The following COG5 variants were observed in gnomAD, a reference collection of about 807,000 sequenced individuals.
COG5 encodes the protein component of oligomeric golgi complex 5, also known as conserved oligomeric Golgi complex subunit 5.
COG5 carries 86 observed loss-of-function variants against 110.4 expected under a neutral mutation model. The ratio of observed to expected loss-of-function variants is 0.78; its 90% CI spans 0.65 to 0.93. The LOEUF is 0.93. Among genes scored for constraint, COG5 ranks in the 40% least tolerant of loss-of-function variants. COG5 has a pLI of 0.00. For missense variants in COG5, 1,077 were observed against 987.0 expected, an observed-to-expected ratio of 1.09 and a Z score of -1.22; for synonymous variants, 360 against 334.6, an observed-to-expected ratio of 1.08 and a Z score of -0.83.
chr7:107,429,657 C>T (rs2129078817), intron 6 of COG5, among the ~76,000 whole-genome samples: 1 of 152,170 alleles, frequency 6.6e-6, no homozygotes, highest in East Asian at 1.9e-4. Flanking sequence ...CTGTAGCTCC[C>T]AAAATTCCCA....
Position 107,270,749 on chromosome 7 carries a change from T to C in COG5, c.1575+10551A>G, listed in dbSNP as rs10271788. Among the ~76,000 whole-genome samples the C allele has an allele frequency of 7.2e-3, 1,090 of 152,280 alleles. 11 individuals carry two copies. The highest frequency in any genetic ancestry group is 0.025 in the African/African-American group (1,031 of 41,550). Reference sequence around the variant, plus strand: ...GATGTTTAAACTGGAGAAAAGTGGCTGTTTGGTAAAATTAATTGTTTACTG... The same window carrying C: ...GATGTTTAAACTGGAGAAAAGTGGCCGTTTGGTAAAATTAATTGTTTACTG... On this transcript the variant is annotated intron_variant, in intron 14 of 21. Transcript: ENST00000297135.
At chr7:107,285,523 G>A (rs372678576) in intron 12 of COG5, among the ~76,000 whole-genome samples, 51 of 152,066 alleles carry the variant, frequency 3.4e-4, no homozygotes, top group African/African-American at 1.1e-3. Flanking sequence ...TTTACTAGGG[G>A]GCTTCCAAAT....
At chr7:107,465,580 T>C (rs982928142) in intron 6 of COG5, among the ~76,000 whole-genome samples, 5 of 152,214 alleles carry the variant, frequency 3.3e-5, no homozygotes, top group Non-Finnish European at 5.9e-5. Context: ...GGACTTTTTA[T>C]AGATATTGCA....
At chr7:107,393,542 C>G (rs143268939) in intron 7 of COG5, among the ~76,000 whole-genome samples, 106 of 152,280 alleles carry the variant, frequency 7.0e-4, no homozygotes, top group African/African-American at 2.5e-3. Flanking sequence ...GTTAAGGAAA[C>G]TAAGCTACCA....
At chr7:107,286,842 C>T (rs978229009) in intron 12 of COG5, among the ~76,000 whole-genome samples, 1 of 152,016 alleles carries the variant, frequency 6.6e-6, no homozygotes, top group Non-Finnish European at 1.5e-5. Context: ...CTTCTTATCC[C>T]ATTCTCTTCT....
chr7:107,553,974 C>T (rs1231849118), intron 3 of COG5, among the ~76,000 whole-genome samples: 5 of 152,248 alleles, frequency 3.3e-5, no homozygotes, highest in African/African-American at 1.2e-4. Flanking sequence ...AATAAGAAAA[C>T]TGAGGCAGAA....
chr7:107,354,133 G>A (rs1347683848), intron 10 of COG5, among the ~76,000 whole-genome samples: 4 of 152,096 alleles, frequency 2.6e-5, no homozygotes, highest in African/African-American at 4.8e-5. Flanking sequence ...AAATTACCAC[G>A]TTAGGTCATA....
In COG5 at chr7:107,324,481, A is replaced by G; in HGVS notation, c.1067T>C (p.Val356Ala). ...PEIFYTFWNS[V>A]TQALSSQFHM... ...AAATTGAGAAGAAAGTGCCTGAGTA[A>G]CTGAATTCCAAAATGTGTAGAAAAT... Residue 356 changes from valine to alanine, a missense_variant, in exon 11 of 22, where the codon GTT becomes GCT. Val to Ala is a moderately conservative substitution (Grantham distance 64). Transcript: ENST00000297135. 6.2e-7 allele frequency: 1 copy of G among 1,606,680 alleles called. No homozygotes were observed. Among genetic ancestry groups the G allele is most frequent in the African/African-American group, 1.3e-5 (1 of 74,972 alleles).
rs60423657 is a variant in COG5 at position 107,541,523 on chromosome 7, A to AAAAAAT, written c.417+6587_417+6588insATTTTT. On this transcript the variant is annotated intron_variant, in intron 5 of 21. Coordinates refer to ENST00000297135, the MANE Select transcript of COG5 (RefSeq NM_006348.5). ...AAAAAAAAAAAAAAAAAAAAAAAAAAATATATATATATATATATATGTATT... is the reference window on the plus strand; with the variant it reads ...AAAAAAAAAAAAAAAAAAAAAAAAAAAAAAATATATATATATATATATATATGTATT... 1.9e-3 allele frequency among the ~76,000 whole-genome samples: 110 copies of AAAAAAT among 56,986 alleles called. 5 individuals are homozygous for AAAAAAT. The highest frequency in any genetic ancestry group is 6.1e-3 in the African/African-American group (91 of 14,954). 37.4% of individuals were successfully genotyped at this position (56,986 alleles called of 152,430 possible).
At chr7:107,250,355 G>T (rs1323805181) in intron 16 of COG5, among the ~76,000 whole-genome samples, 1 of 151,918 alleles carries the variant, frequency 6.6e-6, no homozygotes, top group African/African-American at 2.4e-5. Context: ...ACTGAGGTGT[G>T]GCCAACTGAA....
intron 14 of COG5, among the ~76,000 whole-genome samples, chr7:107,260,409 G>C (rs1489322721): frequency 6.6e-6 from 1 of 152,108 alleles, no homozygotes; most frequent in African/African-American, 2.4e-5. Flanking sequence ...AAATTGCAGT[G>C]GGGCAGTGGG....
At chr7:107,208,753 C>T in intron 21 of COG5, 1 of 985,440 alleles carries the variant, frequency 1.0e-6, no homozygotes, top group Non-Finnish European at 1.2e-6. Flanking sequence ...AATCTTTATC[C>T]ACACATACGC....
chr7:107,537,490 G>A (rs1309537973), intron 5 of COG5, among the ~76,000 whole-genome samples: 1 of 152,018 alleles, frequency 6.6e-6, no homozygotes, highest in Admixed American at 6.6e-5. Flanking sequence ...AACACAGGAA[G>A]AGAAAACCAA....
intron 14 of COG5, among the ~76,000 whole-genome samples, chr7:107,260,546 G>T (rs1210340560): frequency 1.3e-5 from 2 of 152,086 alleles, no homozygotes; most frequent in African/African-American, 4.8e-5. Flanking sequence ...TATACGACAT[G>T]TGAATTATAT....
intron 6 of COG5, among the ~76,000 whole-genome samples, chr7:107,492,033 A>G (rs890459872): frequency 1.3e-5 from 2 of 152,106 alleles, no homozygotes; most frequent in Non-Finnish European, 2.9e-5. Context: ...TTTATTTTTA[A>G]ATCATCAGTT....
intron 7 of COG5, among the ~76,000 whole-genome samples, chr7:107,375,672 A>AT (rs905120282): frequency 3.3e-5 from 5 of 151,648 alleles, no homozygotes; most frequent in African/African-American, 9.7e-5. Context: ...ATTTTGGCCC[A>AT]TTTTTTTTAA....
At chr7:107,510,686 CA>C (rs1799433516) in intron 6 of COG5, among the ~76,000 whole-genome samples, 1 of 152,140 alleles carries the variant, frequency 6.6e-6, no homozygotes, top group African/African-American at 2.4e-5. Flanking sequence ...GAAATTATAA[CA>C]AACTGTCTCT....
chr7:107,532,576 A>G (rs1192619160), intron 5 of COG5, among the ~76,000 whole-genome samples: 1 of 152,212 alleles, frequency 6.6e-6, no homozygotes, highest in East Asian at 1.9e-4. Context: ...TTTTTAAATG[A>G]CATTAAAGAA....
intron 10 of COG5, among the ~76,000 whole-genome samples, chr7:107,349,837 C>T (rs1811979652): frequency 6.6e-6 from 1 of 152,174 alleles, no homozygotes; most frequent in Admixed American, 6.5e-5. Flanking sequence ...GGATTACAGG[C>T]GTGAGCCACA....
Sources: allele counts gnomAD v4.1 joint callset (sites outside exome capture counted in the v4.1 genomes callset), GRCh38; gene constraint gnomAD v4.1.1; transcripts MANE v1.5; gene names NCBI Gene and HGNC (gene_info 2026-07-23, HGNC 2026-07-21).